Variants in SENP1 observed in about 807,000 individuals in gnomAD.
SENP1 encodes the protein sentrin-specific protease 1.
A neutral mutation model predicts 93.0 loss-of-function variants in SENP1; 21 were observed. That is an observed-to-expected ratio of 0.23 (90% CI 0.16 to 0.33). The LOEUF (loss-of-function observed/expected upper bound fraction) is 0.33, where lower values mean the gene tolerates loss of function less well. Ranked by LOEUF, SENP1 falls within the 10% of genes least tolerant of loss-of-function variation. The pLI is 1.00. For synonymous variants in SENP1, 256 were observed against 259.6 expected (o/e 0.99, Z 0.13); for missense variants, 591 against 758.7 (o/e 0.78, Z 2.60).
intron 13 of SENP1, among the ~76,000 whole-genome samples, chr12:48,053,099 A>T (rs572164811): frequency 3.3e-5 from 5 of 152,246 alleles, no homozygotes; most frequent in African/African-American, 9.6e-5. Context: ...ACTCAGATTT[A>T]ACTACTCCTT....
intron 12 of SENP1, among the ~76,000 whole-genome samples, chr12:48,064,537 C>T (rs1943168537): frequency 1.3e-5 from 2 of 152,192 alleles, no homozygotes. Context: ...TTAAATGCTT[C>T]TTCACTGAAA....
At chr12:48,072,541 C>G (rs761118719) in intron 8 of SENP1, among the ~76,000 whole-genome samples, 2 of 152,256 alleles carry the variant, frequency 1.3e-5, no homozygotes, top group East Asian at 3.9e-4. Context: ...CGCTTGAACC[C>G]AGGACATGCG....
chr12:48,048,725 A>C (rs887881838), intron 14 of SENP1, among the ~76,000 whole-genome samples: 8 of 152,126 alleles, frequency 5.3e-5, no homozygotes, highest in Admixed American at 5.2e-4. Context: ...TATTTCTAGA[A>C]AGGGAAATTC....
intron 4 of SENP1, among the ~76,000 whole-genome samples, chr12:48,093,447 C>T (rs948961044): frequency 1.3e-5 from 2 of 151,950 alleles, no homozygotes; most frequent in African/African-American, 2.4e-5. Flanking sequence ...ACACACCCTG[C>T]TAATTTTTGT....
In SENP1 at chr12:48,048,053, T is replaced by TAATA; in HGVS notation, c.1635_1638dup (p.Thr547TyrfsTer13). ...ATCCCACCCATGGAGTCGTAATAGG[T>TAATA]AATATTCTTCTTTCTAAAGTCCACA... On this transcript the variant is annotated frameshift_variant, in exon 15 of 18. Transcript: ENST00000549518. LOFTEE classifies it high-confidence loss of function. 1 of 1,606,694 alleles carries TAATA rather than the reference T, an allele frequency of 6.2e-7. No homozygotes were observed. Among genetic ancestry groups the TAATA allele is most frequent in the Non-Finnish European group, 8.5e-7 (1 of 1,173,478 alleles).
In SENP1 at chr12:48,083,769, A is replaced by T. The variant is rs767767003; in HGVS notation, c.381-7T>A. The T allele has an allele frequency of 3.8e-6, 6 of 1,587,222 alleles. No homozygotes were observed. Among genetic ancestry groups the T allele is most frequent in the Non-Finnish European group, 5.1e-6 (6 of 1,168,438 alleles). On this transcript the variant is annotated splice_region_variant and splice_polypyrimidine_tract_variant and intron_variant, in intron 5 of 17. Transcript: ENST00000549518. ...AAAACTGTTTGATAATCCACTAAAA[A>T]AAGAGTTTGTAAGAAAGATAAGAAC...
At chr12:48,073,178 G>A (rs150750430) in intron 8 of SENP1, among the ~76,000 whole-genome samples, 1 of 152,244 alleles carries the variant, frequency 6.6e-6, no homozygotes, top group East Asian at 1.9e-4. Flanking sequence ...TACAAGGAAA[G>A]TAATTAAACA....
intron 2 of SENP1, among the ~76,000 whole-genome samples, chr12:48,100,129 C>T (rs1490837721): frequency 1.3e-5 from 2 of 152,098 alleles, no homozygotes; most frequent in African/African-American, 2.4e-5. Context: ...TGTTATAAGA[C>T]CTAAGTGTAT....
At chr12:48,045,518 A>T in intron 17 of SENP1, 134 bp from the exon 18 acceptor site, 1 of 678,228 alleles carries the variant, frequency 1.5e-6, no homozygotes, top group Non-Finnish European at 2.5e-6. Flanking sequence ...TAAATTATTC[A>T]TTCTTGGTTA....
Position 48,045,257 on chromosome 12 carries a change from C to T in SENP1, c.*65G>A. On this transcript the variant is annotated 3_prime_UTR_variant, in exon 18 of 18. Coordinates refer to ENST00000549518, the MANE Select transcript of SENP1 (RefSeq NM_001267594.2). ...GGCTGGGAGCAGCTGTTTCCAAGGT[C>T]TCTGGCTGTAGACAACAAAGAGCTG... The T allele has an allele frequency of 1.4e-6, 2 of 1,397,332 alleles. No individual in the cohort carries two copies. Among genetic ancestry groups the T allele is most frequent in the Non-Finnish European group, 2.0e-6 (2 of 987,170 alleles). The allele number at this position is 1,397,332 out of a possible 1,614,324, so 86.6% of individuals were successfully genotyped here. A position where few individuals can be genotyped will look rare whatever the true frequency, so the allele number is the denominator to read the frequency against.
rs35130318 is a variant in SENP1, at chr12:48,074,426, C to T, written c.838G>A (p.Ala280Thr). 1,820 of 1,613,658 alleles carry T rather than the reference C, an allele frequency of 1.1e-3. 26 individuals are homozygous for T. In the African/African-American group the frequency reaches 0.022, roughly 19 times the overall value. The change falls in exon 8 of 18, where the codon GCA becomes ACA. Residue 280 changes from alanine (A) to threonine (T), a missense_variant. Coordinates refer to ENST00000549518, the MANE Select transcript of SENP1 (RefSeq NM_001267594.2). ...GTACCAGAATCTTTGGATCCAAATG[C>T]AACATCTGGGGTATAAGAAGATAGG... ...YSLSSYTPDV[A>T]FGSKDSGTLH...
At chr12:48,086,440 G>A (rs1026484480) in intron 5 of SENP1, among the ~76,000 whole-genome samples, 3 of 151,964 alleles carry the variant, frequency 2.0e-5, no homozygotes, top group Non-Finnish European at 2.9e-5. Context: ...TTCATATAAC[G>A]CCAAAGTAAC....
At position 48,065,655 on chromosome 12, in the gene SENP1, G is replaced by C. The variant is rs748926101; in HGVS notation, c.1060C>G (p.Arg354Gly). The C allele has an allele frequency of 3.8e-6, 6 of 1,560,220 alleles. No individual in the cohort carries two copies. The South Asian group carries it at 7.1e-5, about 18-fold the overall frequency. ...TCTTCAATCTGGCGCAATCTTTCTC[G>C]TGCTCGAGAATCATAAACACTAGTT... ...ELTSVYDSRA[R>G]ERLRQIEEQK... Residue 354 changes from arginine to glycine, a missense_variant, in exon 11 of 18, where the codon CGA becomes GGA. Physicochemically the swap from Arg to Gly is moderately radical, Grantham distance 125. This residue lies in a region of SENP1 where 238 missense variants were observed against 259.1 expected (regional missense o/e 0.92). Transcript: ENST00000549518.
chr12:48,094,683 A>T (rs1442644411), intron 4 of SENP1, among the ~76,000 whole-genome samples: 1 of 152,014 alleles, frequency 6.6e-6, no homozygotes, highest in Non-Finnish European at 1.5e-5. Flanking sequence ...CCATCTCAAA[A>T]AATAATAATA....
At position 48,046,137 on chromosome 12, in the gene SENP1, A is replaced by G. The variant is rs372503924; in HGVS notation, c.1872+219T>C. ...GTTCTGCTCTTGAAACCTTTACTAC[A>G]ATAACTGAGGTGTGGTAACCCAGGA... On this transcript the variant is annotated intron_variant, in intron 17 of 17. Coordinates refer to ENST00000549518, the MANE Select transcript of SENP1 (RefSeq NM_001267594.2). 2.1e-4 allele frequency among the ~76,000 whole-genome samples: 32 copies of G among 152,306 alleles called. No homozygotes were observed. In the East Asian group the frequency reaches 5.8e-3, roughly 28 times the overall value.
chr12:48,074,211 G>C, intron 8 of SENP1, 113 bp downstream of exon 8: 1 of 927,416 alleles, frequency 1.1e-6, no homozygotes, highest in Non-Finnish European at 1.6e-6. Flanking sequence ...CATATTTTCA[G>C]ATTCGGTATG....
At chr12:48,046,053 C>T (rs1941339672) in intron 17 of SENP1, among the ~76,000 whole-genome samples, 1 of 152,172 alleles carries the variant, frequency 6.6e-6, no homozygotes, top group Non-Finnish European at 1.5e-5. Context: ...CTAAAGAAAC[C>T]TGCTCTGGTC....
intron 9 of SENP1, among the ~76,000 whole-genome samples, chr12:48,067,880 T>C (rs1943406114): frequency 1.3e-5 from 2 of 152,008 alleles, no homozygotes; most frequent in South Asian, 4.1e-4. Context: ...GTTTGTTTGT[T>C]TTTTGACTCT....
chr12:48,099,319 C>A (rs1164817013), intron 2 of SENP1, among the ~76,000 whole-genome samples: 1 of 151,948 alleles, frequency 6.6e-6, no homozygotes, highest in Non-Finnish European at 1.5e-5. Context: ...CAGAGTGAGA[C>A]CCTGTCTCAG....
Sources: allele counts gnomAD v4.1 joint callset (sites outside exome capture counted in the v4.1 genomes callset), GRCh38; gene constraint gnomAD v4.1.1; regional missense constraint gnomAD v4.1.1; transcripts MANE v1.5; gene names NCBI Gene and HGNC (gene_info 2026-07-23, HGNC 2026-07-21).